FBF1: variants seen among roughly 807,000 people sequenced by gnomAD.
FBF1 encodes the protein Fas binding factor 1.
Under a neutral mutation model 147.2 loss-of-function variants are expected in FBF1, and 119 were observed. The observed-to-expected ratio is 0.81, with a 90% CI of 0.70 to 0.94. The LOEUF is 0.94. Ranked by LOEUF, FBF1 falls within the 40% of genes least tolerant of loss-of-function variation. The pLI, the probability that FBF1 is intolerant of heterozygous loss-of-function variation, is 0.00. For missense variants in FBF1, 1,449 were observed against 1,500.8 expected, an observed-to-expected ratio of 0.97 and a Z score of 0.57; for synonymous variants, 601 against 609.0, an observed-to-expected ratio of 0.99 and a Z score of 0.19.
chr17:75,913,600 G>C (rs2065468302), intron 28 of FBF1, 102 bp downstream of exon 28: 1 of 839,382 alleles, frequency 1.2e-6, no homozygotes, highest in Admixed American at 3.1e-5. Context: ...ATAAAACCCA[G>C]CTGGCCGCCT....
intron 23 of FBF1, among the ~76,000 whole-genome samples, chr17:75,916,138 G>A (rs2065487820): frequency 6.6e-6 from 1 of 151,462 alleles, no homozygotes; most frequent in Non-Finnish European, 1.5e-5. Context: ...TGGGCAACAT[G>A]GCAAACCCCC....
intron 23 of FBF1, among the ~76,000 whole-genome samples, chr17:75,916,595 G>A (rs2065490730): frequency 2.0e-5 from 3 of 152,160 alleles, no homozygotes; most frequent in Admixed American, 2.0e-4. Flanking sequence ...CTCCAGCCTG[G>A]GCAACAGAGC....
At chr17:75,930,079 G>A in intron 6 of FBF1, 32 bp from the exon 7 acceptor site, 3 of 1,527,558 alleles carry the variant, frequency 2.0e-6, no homozygotes, top group Non-Finnish European at 2.7e-6. Context: ...GGACACAGAT[G>A]AGGAGGCACA....
At chr17:75,930,133 C>G in intron 6 of FBF1, 86 bp from the exon 7 acceptor site, 2 of 1,075,558 alleles carry the variant, frequency 1.9e-6, no homozygotes, top group Non-Finnish European at 2.8e-6. Context: ...CCCCTTGCTT[C>G]TGTTAGGGCA....
Position 75,919,967 on chromosome 17 carries a change from T to C in FBF1, c.1931+40A>G, listed in dbSNP as rs1186334836. ...CACACTGGGTGGCCTTTGGGGTCAG[T>C]GTGAGATCCAAGGCAGAGCTGGGGC... is the stretch of plus-strand genomic sequence containing the variant. On this transcript the variant is annotated intron_variant, in intron 19 of 29. Coordinates refer to ENST00000636174, the MANE Select transcript of FBF1 (RefSeq NM_001319193.2). The surrounding 1 kb of genome is among the most constrained non-coding windows in gnomAD (Gnocchi z 5.0). The C allele has an allele frequency of 2.5e-6, 4 of 1,609,828 alleles. No individual in the cohort carries two copies. Among genetic ancestry groups the C allele is most frequent in the Non-Finnish European group, 3.4e-6 (4 of 1,177,108 alleles).
In FBF1 at chr17:75,921,520, T is replaced by C; in HGVS notation, c.1567A>G (p.Thr523Ala). ...GCTGTTCCCCTCTTTGGGGAACCTG[T>C]AGGGAGTGCTGAGGCGGCATGGTTC... ...TQNHAASALPTGSPKRGTAPG... is the reference protein window; with the variant it reads ...TQNHAASALPAGSPKRGTAPG... Residue 523 changes from threonine to alanine, a missense_variant, in exon 16 of 30, where the codon ACA becomes GCA. Coordinates refer to ENST00000636174, the MANE Select transcript of FBF1 (RefSeq NM_001319193.2). The C allele has an allele frequency of 1.2e-6, 2 of 1,613,054 alleles. No individual in the cohort carries two copies. The highest frequency in any genetic ancestry group is 1.1e-5 in the South Asian group (1 of 90,840).
At position 75,925,242 on chromosome 17, in the gene FBF1, C is replaced by T; in HGVS notation, c.968+105G>A. ...AGCTGAGGGCCTTGTACCCTGTGGC[C>T]TCCCACATGAGACTCTCGGGTGGGA... On this transcript the variant is annotated intron_variant, in intron 13 of 29. Coordinates refer to ENST00000636174, the MANE Select transcript of FBF1 (RefSeq NM_001319193.2). This position sits in a 1 kb window ranked among gnomAD's most constrained non-coding sequence, Gnocchi z 5.0. The T allele has an allele frequency of 1.2e-6, 1 of 819,274 alleles. No homozygotes were observed. Among genetic ancestry groups the T allele is most frequent in the Non-Finnish European group, 1.9e-6 (1 of 527,034 alleles). 50.8% of individuals were successfully genotyped at this position (819,274 alleles called of 1,614,324 possible). A position where few individuals can be genotyped will look rare whatever the true frequency, so the allele number is the denominator to read the frequency against.
Position 75,919,947 on chromosome 17 carries a change from T to C in FBF1, c.1931+60A>G, listed in dbSNP as rs2065513670. On this transcript the variant is annotated intron_variant, in intron 19 of 29. Transcript: ENST00000636174. This position sits in a 1 kb window ranked among gnomAD's most constrained non-coding sequence, Gnocchi z 5.0. ...CGCCTAAAGGCCTCTCCAGGCACAC[T>C]GGGTGGCCTTTGGGGTCAGTGTGAG... is the stretch of plus-strand genomic sequence containing the variant. The C allele has an allele frequency of 6.2e-7, 1 of 1,609,988 alleles. No homozygotes were observed. Among genetic ancestry groups the C allele is most frequent in the Non-Finnish European group, 8.5e-7 (1 of 1,176,998 alleles).
At chr17:75,927,599 A>C in intron 8 of FBF1, 67 bp from the exon 9 acceptor site, 119 of 1,441,636 alleles carry the variant, frequency 8.3e-5, no homozygotes, top group Non-Finnish European at 1.0e-4. Flanking sequence ...CTCCCATATC[A>C]TGGACTGGGG....
Position 75,918,102 on chromosome 17 carries a change from G to A in FBF1, c.2247-32C>T, listed in dbSNP as rs771725054. The A allele has an allele frequency of 7.5e-6, 12 of 1,605,858 alleles. No individual in the cohort carries two copies. Among genetic ancestry groups the A allele is most frequent in the Middle Eastern group, 1.7e-4 (1 of 6,020 alleles). On this transcript the variant is annotated intron_variant, in intron 21 of 29. Transcript: ENST00000636174. The surrounding 1 kb of genome is among the most constrained non-coding windows in gnomAD (Gnocchi z 5.8). ...GAAGACTGGGTCACCCCCTCCTGAC[G>A]GTCTCGGGGACCTTCCGGCCCCCAA...
chr17:75,937,615 A>G, intron 2 of FBF1, 22 bp from the exon 3 acceptor site: 2 of 1,613,864 alleles, frequency 1.2e-6, no homozygotes, highest in Non-Finnish European at 1.7e-6. Flanking sequence ...AAAACAAATC[A>G]CATCAAGAAA....
At position 75,910,355 on chromosome 17, in the gene FBF1, A is replaced by C; in HGVS notation, c.*368T>G. ...TCCTGCCTCAGAAGAGGCCCAGGCAAAAAGAGCCCACAACAGTCTACCTGT... is the reference window on the plus strand; with the variant it reads ...TCCTGCCTCAGAAGAGGCCCAGGCACAAAGAGCCCACAACAGTCTACCTGT... On this transcript the variant is annotated 3_prime_UTR_variant, in exon 30 of 30. Transcript: ENST00000636174. The surrounding 1 kb of genome is among the most constrained non-coding windows in gnomAD (Gnocchi z 4.1). 3.1e-6 allele frequency: 1 copy of C among 325,394 alleles called. No homozygotes were observed. Among genetic ancestry groups the C allele is most frequent in the South Asian group, 3.3e-5 (1 of 29,928 alleles). 20.2% of individuals were successfully genotyped at this position (325,394 alleles called of 1,614,324 possible). A position where few individuals can be genotyped will look rare whatever the true frequency, so the allele number is the denominator to read the frequency against.
Position 75,913,754 on chromosome 17 carries a change from G to A in FBF1, c.3195C>T (p.Ser1065=). The part of the protein sequence containing the change: ...LDRARQDLPS[S]LVGLFPRAQG... ...GGGCCCTGGGGAACAGACCCACGAG[G>A]CTAGAGGGCAGGTCCTGTCGTGCGC... is the stretch of plus-strand genomic sequence containing the variant. The change falls in exon 28 of 30, where the codon AGC becomes AGT. Residue 1065 remains serine (S), a synonymous_variant. Coordinates refer to ENST00000636174, the MANE Select transcript of FBF1 (RefSeq NM_001319193.2). 6.2e-7 allele frequency: 1 copy of A among 1,603,876 alleles called. No homozygotes were observed. Among genetic ancestry groups the A allele is most frequent in the Non-Finnish European group, 8.5e-7 (1 of 1,179,468 alleles).
chr17:75,938,166 G>T lies in FBF1; in HGVS notation c.-17C>A. The T allele has an allele frequency of 6.2e-7, 1 of 1,613,572 alleles. No homozygotes were observed. Among genetic ancestry groups the T allele is most frequent in the South Asian group, 1.1e-5 (1 of 91,010 alleles). ...GCCTACCATCTCACGGCTCTCGGGGGTGCTCTCAGCTCCTTCACAGCACTG... is the reference window on the plus strand; with the variant it reads ...GCCTACCATCTCACGGCTCTCGGGGTTGCTCTCAGCTCCTTCACAGCACTG... On this transcript the variant is annotated 5_prime_UTR_variant, in exon 2 of 30. Transcript: ENST00000636174.
At chr17:75,932,571 A>G (rs2144191032) in intron 5 of FBF1, among the ~76,000 whole-genome samples, 1 of 151,974 alleles carries the variant, frequency 6.6e-6, no homozygotes, top group East Asian at 2.0e-4. Flanking sequence ...ATGTGGTAAA[A>G]TTGTCTTCAC....
intron 28 of FBF1, 75 bp downstream of exon 28, chr17:75,913,627 A>T: frequency 8.3e-7 from 1 of 1,211,256 alleles, no homozygotes; most frequent in Non-Finnish European, 1.1e-6. Flanking sequence ...GAGCGGCTGG[A>T]GGAGGGCCTG....
rs964796339 is a variant in FBF1, at chr17:75,914,915, C to T, written c.2646G>A (p.Glu882=). 4 of 1,611,704 alleles carry T rather than the reference C, an allele frequency of 2.5e-6. No individual in the cohort carries two copies. The African/African-American group carries it at 5.3e-5, about 21-fold the overall frequency. The change falls in exon 25 of 30, where the codon GAG becomes GAA. Residue 882 remains glutamate, a synonymous_variant. Transcript: ENST00000636174. The part of the protein sequence containing the change: ...LERAKSALLE[E]QKSVMLKCGE... ...CGCACTTGAGCATGACAGACTTCTG[C>T]TCCTCCAGCAAGGCGCTCTGGGATG... is the stretch of plus-strand genomic sequence containing the variant.
In FBF1 at chr17:75,924,003, A is replaced by G. The variant is rs545974572; in HGVS notation, c.969-362T>C. Among the ~76,000 whole-genome samples, 160 of 152,268 alleles carry G rather than the reference A, an allele frequency of 1.1e-3. No individual in the cohort carries two copies. In the Middle Eastern group the frequency reaches 0.034, roughly 32 times the overall value. On this transcript the variant is annotated intron_variant, in intron 13 of 29. Coordinates refer to ENST00000636174, the MANE Select transcript of FBF1 (RefSeq NM_001319193.2). ...CAGGGTGGGCAGATCGCTTAAGGCC[A>G]GGAGTTCAAGACCAGCCTGGCCAAC...
chr17:75,920,881 A>G (rs2065521816), intron 17 of FBF1, among the ~76,000 whole-genome samples: 1 of 143,390 alleles, frequency 7.0e-6, no homozygotes, highest in African/African-American at 2.5e-5. Context: ...GGTGACTGCC[A>G]CACATGGGAA....
Sources: allele counts gnomAD v4.1 joint callset (sites outside exome capture counted in the v4.1 genomes callset), GRCh38; gene constraint gnomAD v4.1.1; non-coding constraint Gnocchi (gnomAD v3.1); transcripts MANE v1.5; gene names NCBI Gene and HGNC (gene_info 2026-07-23, HGNC 2026-07-21).